The following ROR1 variants were observed in gnomAD, a reference collection of about 807,000 sequenced individuals.
The protein encoded by ROR1 is ROR family WNT receptor 1.
In ROR1, 19 loss-of-function variants were observed where a neutral mutation model predicts 78.8. The ratio of observed to expected loss-of-function variants is 0.24; its 90% confidence interval spans 0.17 to 0.35. The LOEUF (loss-of-function observed/expected upper bound fraction) is 0.35. Among genes scored for constraint, ROR1 ranks in the 10% least tolerant of loss-of-function variants. The pLI is 1.00. For synonymous variants in ROR1, 386 were observed against 433.6 expected (o/e 0.89, Z 1.36); for missense variants, 917 against 1,177.8 (o/e 0.78, Z 3.24).
At chr1:64,074,560 A>G (rs568647576) in intron 4 of ROR1, among the ~76,000 whole-genome samples, 29 of 152,340 alleles carry the variant, frequency 1.9e-4, no homozygotes, top group Middle Eastern at 3.4e-3. Flanking sequence ...AGATCTGTGG[A>G]CAAGAAATGA....
At position 64,173,215 on chromosome 1, in the gene ROR1, A is replaced by T. The variant is rs527454541; in HGVS notation, c.1387-4213A>T. 3.7e-3 allele frequency among the ~76,000 whole-genome samples: 562 copies of T among 152,228 alleles called. 2 individuals carry two copies. The highest frequency in any genetic ancestry group is 5.5e-3 in the Admixed American group (84 of 15,294). On this transcript the variant is annotated intron_variant, in intron 8 of 8. Coordinates refer to ENST00000371079, the MANE Select transcript of ROR1 (RefSeq NM_005012.4). ...AAGATTTTGTGGACTCTGCCATTTT[A>T]GATGCTTTCCATGCCTCTTTGCAAA...
At chr1:64,057,395 G>A (rs1464941177) in intron 4 of ROR1, among the ~76,000 whole-genome samples, 1 of 152,170 alleles carries the variant, frequency 6.6e-6, no homozygotes, top group East Asian at 1.9e-4. Flanking sequence ...GGAAATATGA[G>A]TACTCTGTAT....
At chr1:64,175,171 T>A (rs771389796) in intron 8 of ROR1, among the ~76,000 whole-genome samples, 2 of 151,990 alleles carry the variant, frequency 1.3e-5, no homozygotes, top group Non-Finnish European at 2.9e-5. Context: ...CCCCCAATAA[T>A]CACTGCTATC....
intron 1 of ROR1, among the ~76,000 whole-genome samples, chr1:63,942,227 A>G (rs1645846628): frequency 6.6e-6 from 1 of 152,196 alleles, no homozygotes; most frequent in Admixed American, 6.5e-5. Flanking sequence ...CAGTCTCTAC[A>G]TTCAGCTTTT....
intron 1 of ROR1, among the ~76,000 whole-genome samples, chr1:63,935,278 C>G (rs893293953): frequency 1.3e-5 from 2 of 152,238 alleles, no homozygotes; most frequent in Admixed American, 6.5e-5. Context: ...TAGCTTAGTT[C>G]TGCAAGCCCA....
intron 1 of ROR1, among the ~76,000 whole-genome samples, chr1:63,987,795 A>G (rs1251165085): frequency 6.6e-6 from 1 of 152,176 alleles, no homozygotes; most frequent in Admixed American, 6.6e-5. Context: ...TATATTTCAC[A>G]CTGTGACCTA....
chr1:64,164,336 G>A (rs967367717), intron 8 of ROR1, among the ~76,000 whole-genome samples: 4 of 152,174 alleles, frequency 2.6e-5, no homozygotes, highest in African/African-American at 9.6e-5. Context: ...TTTCTGGAAA[G>A]TAGTCTGATA....
At position 63,998,139 on chromosome 1, in the gene ROR1, G is replaced by A. The variant is rs796744748; in HGVS notation, c.92-11166G>A. Among the ~76,000 whole-genome samples, 7 of 152,024 alleles carry A rather than the reference G, an allele frequency of 4.6e-5. No homozygotes were observed. In the East Asian group the frequency reaches 9.7e-4, roughly 21 times the overall value. ...TCCAGGATCATTTAGTAGTCAGGCA[G>A]GACACAAAGAAAGCATGAGACATGA... On this transcript the variant is annotated intron_variant, in intron 1 of 8. Coordinates refer to ENST00000371079, the MANE Select transcript of ROR1 (RefSeq NM_005012.4).
At chr1:63,831,431 C>T (rs1332087693) in intron 1 of ROR1, among the ~76,000 whole-genome samples, 2 of 152,210 alleles carry the variant, frequency 1.3e-5, no homozygotes, top group African/African-American at 2.4e-5. Flanking sequence ...TATGTGCACT[C>T]GCAGGCCCAA....
chr1:63,851,421 G>A (rs675458), intron 1 of ROR1, among the ~76,000 whole-genome samples: 64,175 of 152,076 alleles, frequency 0.42, 16,539 homozygotes, highest in African/African-American at 0.73. Context: ...AAAAATCACT[G>A]ATACTTAATT....
intron 4 of ROR1, among the ~76,000 whole-genome samples, chr1:64,122,695 A>G (rs1286796491): frequency 6.6e-6 from 1 of 152,194 alleles, no homozygotes; most frequent in Non-Finnish European, 1.5e-5. Context: ...GGTAGAGGAC[A>G]CAGAGCTGTC....
At chr1:63,834,162 G>C (rs183873236) in intron 1 of ROR1, among the ~76,000 whole-genome samples, 203 of 151,740 alleles carry the variant, frequency 1.3e-3, no homozygotes, top group Non-Finnish European at 2.8e-3. Context: ...AGACCCTCTC[G>C]GTGGAGCTGA....
intron 1 of ROR1, among the ~76,000 whole-genome samples, chr1:63,915,414 A>G (rs1645601564): frequency 6.6e-6 from 1 of 152,100 alleles, no homozygotes. Context: ...TTGTGGAGAG[A>G]GCTTTCCTTC....
At chr1:63,983,778 G>T (rs1375940699) in intron 1 of ROR1, among the ~76,000 whole-genome samples, 1 of 152,074 alleles carries the variant, frequency 6.6e-6, no homozygotes, top group Non-Finnish European at 1.5e-5. Context: ...AACCTAACAG[G>T]CACAGATCTG....
chr1:63,799,642 T>C (rs1644783623), intron 1 of ROR1, among the ~76,000 whole-genome samples: 1 of 126,060 alleles, frequency 7.9e-6, no homozygotes, highest in East Asian at 2.1e-4. Flanking sequence ...TTTCCTCTCC[T>C]GTTTTTTTTT....
intron 4 of ROR1, among the ~76,000 whole-genome samples, chr1:64,112,850 C>T (rs953138612): frequency 3.9e-5 from 6 of 152,178 alleles, no homozygotes; most frequent in Non-Finnish European, 8.8e-5. Context: ...TGACTCTTTT[C>T]CCGAATGCAA....
chr1:64,026,873 C>T (rs942177077), intron 2 of ROR1, among the ~76,000 whole-genome samples: 1 of 152,184 alleles, frequency 6.6e-6, no homozygotes, highest in Admixed American at 6.5e-5. Context: ...ATGGGGATTA[C>T]AATTCCAGAT....
At chr1:64,056,977 A>G (rs1265003454) in intron 4 of ROR1, among the ~76,000 whole-genome samples, 1 of 152,186 alleles carries the variant, frequency 6.6e-6, no homozygotes, top group African/African-American at 2.4e-5. Context: ...CATTTTCTTG[A>G]TAGTGTTCTT....
chr1:63,906,113 A>C (rs1645526706), intron 1 of ROR1, among the ~76,000 whole-genome samples: 2 of 152,192 alleles, frequency 1.3e-5, no homozygotes, highest in Non-Finnish European at 2.9e-5. Context: ...AGATCTTGGC[A>C]AATGGGATTG....
Sources: allele counts gnomAD v4.1 joint callset (sites outside exome capture counted in the v4.1 genomes callset), GRCh38; gene constraint gnomAD v4.1.1; transcripts MANE v1.5; gene names NCBI Gene and HGNC (gene_info 2026-07-23, HGNC 2026-07-21).